Variants in ULK4 observed in about 807,000 individuals in gnomAD.
ULK4 encodes the protein inactive serine/threonine-protein kinase ULK4.
A neutral mutation model predicts 160.6 loss-of-function variants in ULK4; 133 were observed. The ratio of observed to expected loss-of-function variants is 0.83; its 90% CI spans 0.72 to 0.96. ULK4 has a LOEUF of 0.96. Ranked by LOEUF, ULK4 falls within the 40% of genes least tolerant of loss-of-function variation. The pLI, the probability that ULK4 is intolerant of heterozygous loss-of-function variation, is 0.00. For missense variants in ULK4, 1,580 were observed against 1,499.5 expected, an observed-to-expected ratio of 1.05 and a Z score of -0.89; for synonymous variants, 534 against 539.8, an observed-to-expected ratio of 0.99 and a Z score of 0.15.
At chr3:41,258,673 C>T (rs776117858) in intron 35 of ULK4, among the ~76,000 whole-genome samples, 7 of 152,156 alleles carry the variant, frequency 4.6e-5, no homozygotes, top group Non-Finnish European at 8.8e-5. Flanking sequence ...CAAACAAAGT[C>T]ATGCCTGCCT....
intron 17 of ULK4, among the ~76,000 whole-genome samples, chr3:41,845,931 G>T (rs1007772825): frequency 6.6e-6 from 1 of 152,260 alleles, no homozygotes; most frequent in Non-Finnish European, 1.5e-5. Flanking sequence ...TAGTGGCAGG[G>T]ATTTACAGCA....
chr3:41,959,281 T>C (rs1008912317), intron 1 of ULK4, among the ~76,000 whole-genome samples: 3 of 149,406 alleles, frequency 2.0e-5, no homozygotes, highest in African/African-American at 5.0e-5. Flanking sequence ...AGAGAATTGC[T>C]TGGACCCGGG....
At chr3:41,320,834 T>C (rs1349390198) in intron 35 of ULK4, among the ~76,000 whole-genome samples, 3 of 152,252 alleles carry the variant, frequency 2.0e-5, no homozygotes. Flanking sequence ...GGAGGATCAC[T>C]TGAACCTGGG....
intron 32 of ULK4, among the ~76,000 whole-genome samples, chr3:41,491,252 C>T (rs2084750771): frequency 6.6e-6 from 1 of 151,928 alleles, no homozygotes; most frequent in Non-Finnish European, 1.5e-5. Context: ...AAAGTAATTG[C>T]CATAAAATAA....
At chr3:41,503,142 C>T (rs945973503) in intron 32 of ULK4, among the ~76,000 whole-genome samples, 2 of 152,214 alleles carry the variant, frequency 1.3e-5, no homozygotes, top group South Asian at 2.1e-4. Flanking sequence ...TAGACCCACA[C>T]GAATGTGAAA....
At chr3:41,297,043 G>A (rs1488623543) in intron 35 of ULK4, among the ~76,000 whole-genome samples, 3 of 152,136 alleles carry the variant, frequency 2.0e-5, no homozygotes, top group Non-Finnish European at 4.4e-5. Context: ...TCCACAAATT[G>A]AGCCTGAAAC....
At chr3:41,359,801 A>T (rs1394058062) in intron 35 of ULK4, among the ~76,000 whole-genome samples, 3 of 152,208 alleles carry the variant, frequency 2.0e-5, no homozygotes, top group Admixed American at 6.5e-5. Context: ...ACTTAAATGT[A>T]AAACCCAAAA....
chr3:41,811,428 G>A (rs762807803), intron 19 of ULK4, among the ~76,000 whole-genome samples: 10 of 152,134 alleles, frequency 6.6e-5, no homozygotes, highest in South Asian at 2.1e-4. Flanking sequence ...AAATTGCTGG[G>A]ATTACAGGTG....
chr3:41,766,203 G>C (rs1009814760), intron 21 of ULK4, among the ~76,000 whole-genome samples: 3 of 128,186 alleles, frequency 2.3e-5, no homozygotes, highest in African/African-American at 5.3e-5. Flanking sequence ...GGGAGGCAGA[G>C]GTTGCAGTAA....
intron 2 of ULK4, among the ~76,000 whole-genome samples, chr3:41,940,792 T>C (rs1006463465): frequency 6.6e-6 from 1 of 152,194 alleles, no homozygotes; most frequent in East Asian, 1.9e-4. Context: ...AATAAACACA[T>C]TGATCTTAAA....
chr3:41,821,276 C>A (rs1031287807), intron 18 of ULK4, among the ~76,000 whole-genome samples: 1 of 152,164 alleles, frequency 6.6e-6, no homozygotes, highest in African/African-American at 2.4e-5. Flanking sequence ...GAAGGTGGCA[C>A]CAGAGAGCAC....
intron 31 of ULK4, among the ~76,000 whole-genome samples, chr3:41,595,176 G>A (rs888216790): frequency 8.5e-5 from 13 of 152,136 alleles, no homozygotes; most frequent in African/African-American, 1.2e-4. Context: ...ATTTAAACAA[G>A]GGGCTCTACA....
At chr3:41,343,295 C>CTTTTTTTTT (rs55691966) in intron 35 of ULK4, among the ~76,000 whole-genome samples, 2 of 85,334 alleles carry the variant, frequency 2.3e-5, no homozygotes, top group Non-Finnish European at 4.6e-5. Flanking sequence ...AGCCCAAAAA[C>CTTTTTTTTT]TTTTTTTTTT....
intron 21 of ULK4, among the ~76,000 whole-genome samples, chr3:41,776,025 T>C (rs1472377534): frequency 1.3e-5 from 2 of 150,992 alleles, no homozygotes; most frequent in Non-Finnish European, 2.9e-5. Context: ...TTGGCTCAGG[T>C]ATGTGCATCT....
chr3:41,804,999 G>C (rs2040597080), intron 19 of ULK4, among the ~76,000 whole-genome samples: 1 of 152,154 alleles, frequency 6.6e-6, no homozygotes, highest in Non-Finnish European at 1.5e-5. Flanking sequence ...ATTTAAAGTA[G>C]TTTTTTCAAA....
At chr3:41,742,435 T>C (rs914056090) in intron 22 of ULK4, among the ~76,000 whole-genome samples, 2 of 151,862 alleles carry the variant, frequency 1.3e-5, no homozygotes, top group Non-Finnish European at 2.9e-5. Flanking sequence ...CAGGCAGTAA[T>C]CTGATTCCCC....
intron 32 of ULK4, among the ~76,000 whole-genome samples, chr3:41,507,178 C>CAAAAAAA (rs149739568): frequency 3.7e-5 from 3 of 82,128 alleles, no homozygotes; most frequent in African/African-American, 1.4e-4. Context: ...TAACCAGGAG[C>CAAAAAAA]AAAAAAAAAA....
At chr3:41,464,276 G>A (rs2083769803) in intron 32 of ULK4, among the ~76,000 whole-genome samples, 1 of 152,090 alleles carries the variant, frequency 6.6e-6, no homozygotes, top group African/African-American at 2.4e-5. Flanking sequence ...AAAATTATCA[G>A]ATTACAAAAG....
At chr3:41,327,710 T>C (rs370116861) in intron 35 of ULK4, among the ~76,000 whole-genome samples, 1 of 152,170 alleles carries the variant, frequency 6.6e-6, no homozygotes, top group African/African-American at 2.4e-5. Context: ...GCAGTGATGC[T>C]AATTAGGATG....
Sources: gnomAD v4.1 joint callset for allele counts (sites outside exome capture counted in the v4.1 genomes callset) on GRCh38, gnomAD v4.1.1 for gene constraint, MANE v1.5 for transcripts, NCBI Gene and HGNC (gene_info 2026-07-23, HGNC 2026-07-21) for gene names.